Variants in TRIO observed in about 807,000 individuals in gnomAD.
The protein encoded by TRIO is triple functional domain protein.
In TRIO, 58 loss-of-function variants were observed where a neutral mutation model predicts 351.9. That is an observed-to-expected ratio of 0.16 (90% confidence interval 0.13 to 0.21). The LOEUF (loss-of-function observed/expected upper bound fraction) is 0.21. Ranked by LOEUF, TRIO falls within the 10% of genes least tolerant of loss-of-function variation. The pLI is 1.00. For missense variants in TRIO, 3,201 were observed against 4,027.8 expected (o/e 0.79, Z 5.56); for synonymous variants, 1,758 against 1,595.7 (o/e 1.10, Z -2.42).
intron 54 of TRIO, among the ~76,000 whole-genome samples, chr5:14,503,055 A>G (rs1757407085): frequency 6.6e-6 from 1 of 152,248 alleles, no homozygotes; most frequent in African/African-American, 2.4e-5. Flanking sequence ...GTAAAATTAG[A>G]TGCACAAACT....
chr5:14,226,039 G>A (rs1561223682), intron 1 of TRIO, among the ~76,000 whole-genome samples: 1 of 152,188 alleles, frequency 6.6e-6, no homozygotes, highest in Non-Finnish European at 1.5e-5. Flanking sequence ...GCATTTGACT[G>A]AGTGAGGGTG....
At chr5:14,214,204 A>G (rs1581367846) in intron 1 of TRIO, among the ~76,000 whole-genome samples, 1 of 152,304 alleles carries the variant, frequency 6.6e-6, no homozygotes, top group East Asian at 1.9e-4. Context: ...GCCATCTTGA[A>G]GGCTGAAATT....
At chr5:14,354,298 A>C (rs1004108360) in intron 11 of TRIO, among the ~76,000 whole-genome samples, 1 of 152,216 alleles carries the variant, frequency 6.6e-6, no homozygotes, top group Admixed American at 6.5e-5. Flanking sequence ...TTTTTCTAGT[A>C]GGCTTTTTTT....
intron 34 of TRIO, among the ~76,000 whole-genome samples, chr5:14,455,185 TG>T (rs1480075485): frequency 6.6e-6 from 1 of 152,228 alleles, no homozygotes; most frequent in Non-Finnish European, 1.5e-5. Context: ...GGGTTGCCGC[TG>T]CTGGCTTGGG....
intron 34 of TRIO, among the ~76,000 whole-genome samples, chr5:14,453,878 G>A (rs1351983332): frequency 6.6e-6 from 1 of 152,086 alleles, no homozygotes; most frequent in Non-Finnish European, 1.5e-5. Context: ...TTTCTTCCAA[G>A]GTGATAGGAG....
At chr5:14,310,306 T>A (rs556074440) in intron 8 of TRIO, among the ~76,000 whole-genome samples, 3 of 152,380 alleles carry the variant, frequency 2.0e-5, no homozygotes, top group African/African-American at 7.2e-5. Context: ...AAGGTGAGAC[T>A]GCATAGTAAG....
At chr5:14,467,233 A>C (rs1754328560) in intron 37 of TRIO, among the ~76,000 whole-genome samples, 1 of 152,234 alleles carries the variant, frequency 6.6e-6, no homozygotes, top group Non-Finnish European at 1.5e-5. Flanking sequence ...ATCAGAGTAT[A>C]CTTCTTTAAA....
intron 1 of TRIO, among the ~76,000 whole-genome samples, chr5:14,144,352 T>G (rs1787360856): frequency 6.6e-6 from 1 of 152,184 alleles, no homozygotes; most frequent in Non-Finnish European, 1.5e-5. Flanking sequence ...TGTCTCTGGC[T>G]GATTTGTACC....
intron 7 of TRIO, among the ~76,000 whole-genome samples, chr5:14,300,597 G>C (rs1268853149): frequency 2.6e-5 from 4 of 152,062 alleles, no homozygotes; most frequent in African/African-American, 9.7e-5. Flanking sequence ...CAAAAATAAA[G>C]TAACAGTGTT....
At chr5:14,321,775 AG>A (rs1413852502) in intron 9 of TRIO, among the ~76,000 whole-genome samples, 1 of 152,078 alleles carries the variant, frequency 6.6e-6, no homozygotes, top group Non-Finnish European at 1.5e-5. Flanking sequence ...ACCCAGTGAG[AG>A]GTAATTGAAT....
intron 1 of TRIO, among the ~76,000 whole-genome samples, chr5:14,144,556 C>G (rs1009918763): frequency 2.4e-4 from 37 of 152,040 alleles, no homozygotes; most frequent in Admixed American, 1.3e-4. Context: ...GGGGACGACC[C>G]GGGAGGGTCA....
At chr5:14,361,389 T>G (rs1309746028) in intron 13 of TRIO, among the ~76,000 whole-genome samples, 1 of 152,204 alleles carries the variant, frequency 6.6e-6, no homozygotes, top group Non-Finnish European at 1.5e-5. Context: ...GAGCTCATCC[T>G]GAGCAGAGGA....
Position 14,297,461 on chromosome 5 carries a change from C to G in TRIO, c.1368+198C>G, listed in dbSNP as rs78901139. On this transcript the variant is annotated intron_variant, in intron 7 of 56. Transcript: ENST00000344204. ...TAACCTTAGGCAAGTGACTTAGCCT[C>G]TCTGTTTTGTTTTTTCATTTGTAAA... The G allele has an allele frequency of 9.8e-5, 55 of 559,494 alleles. 1 individual carries two copies. The East Asian group carries it at 1.6e-3, about 16-fold the overall frequency. 34.7% of individuals were successfully genotyped at this position (559,494 alleles called of 1,614,324 possible).
intron 9 of TRIO, among the ~76,000 whole-genome samples, chr5:14,327,840 C>T (rs1488548087): frequency 6.6e-6 from 1 of 152,196 alleles, no homozygotes; most frequent in African/African-American, 2.4e-5. Flanking sequence ...TGTATCCATT[C>T]TCAAGGCCGA....
intron 3 of TRIO, among the ~76,000 whole-genome samples, chr5:14,283,753 CT>C (rs918723230): frequency 6.5e-4 from 97 of 148,520 alleles, no homozygotes; most frequent in African/African-American, 1.5e-3. Flanking sequence ...CCTCCCTGCC[CT>C]TTTTTTTTTA....
chr5:14,406,697 T>C (rs1476938430), intron 33 of TRIO, 25 bp downstream of exon 33: 4 of 1,608,880 alleles, frequency 2.5e-6, no homozygotes, highest in Non-Finnish European at 2.6e-6. Context: ...GCACTTTGTG[T>C]GCGGAGGGGA....
intron 7 of TRIO, among the ~76,000 whole-genome samples, chr5:14,303,081 G>C (rs907810179): frequency 2.0e-5 from 3 of 149,660 alleles, no homozygotes; most frequent in Non-Finnish European, 4.4e-5. Context: ...CAGTGGAGGA[G>C]ATTGAGCCGG....
Position 14,272,368 on chromosome 5 carries a change from G to A in TRIO, c.232+1469G>A, listed in dbSNP as rs149560989. Among the ~76,000 whole-genome samples the A allele has an allele frequency of 3.9e-5, 6 of 152,222 alleles. No individual in the cohort carries two copies. The East Asian group carries it at 1.2e-3, about 29-fold the overall frequency. ...TTCCATTTTCTTCTTTCATTAGTAC[G>A]TGGAGATGGACATGTGAAGAAAGGT... On this transcript the variant is annotated intron_variant, in intron 2 of 56. Coordinates refer to ENST00000344204, the MANE Select transcript of TRIO (RefSeq NM_007118.4).
intron 14 of TRIO, 36 bp downstream of exon 14, chr5:14,363,963 T>G (rs1244277900): frequency 1.3e-6 from 2 of 1,580,406 alleles, no homozygotes; most frequent in African/African-American, 2.7e-5. Context: ...CCGTTGTGAT[T>G]TCTTCATGTC....
Sources: gnomAD v4.1 joint callset for allele counts (sites outside exome capture counted in the v4.1 genomes callset) on GRCh38, gnomAD v4.1.1 for gene constraint, MANE v1.5 for transcripts, NCBI Gene and HGNC (gene_info 2026-07-23, HGNC 2026-07-21) for gene names.